NSMCE2: variants seen among roughly 807,000 people sequenced by gnomAD.
NSMCE2 encodes the protein E3 SUMO-protein ligase NSE2.
In NSMCE2, 24 loss-of-function variants were observed where a neutral mutation model predicts 23.8. The ratio of observed to expected loss-of-function variants is 1.01; its 90% CI spans 0.73 to 1.42. The LOEUF (loss-of-function observed/expected upper bound fraction) is 1.42. Among genes scored for constraint, NSMCE2 ranks in the 40% most tolerant of loss-of-function variants. The pLI is 0.00. For missense variants in NSMCE2, 284 were observed against 296.5 expected, an observed-to-expected ratio of 0.96 and a Z score of 0.31; for synonymous variants, 92 against 94.1, an observed-to-expected ratio of 0.98 and a Z score of 0.13.
intron 3 of NSMCE2, among the ~76,000 whole-genome samples, chr8:125,119,341 A>G (rs1819163800): frequency 6.6e-6 from 1 of 152,210 alleles, no homozygotes; most frequent in Non-Finnish European, 1.5e-5. Flanking sequence ...TCACATTAGG[A>G]TGTCACTTTG....
At chr8:125,192,725 G>A (rs1037722864) in intron 5 of NSMCE2, among the ~76,000 whole-genome samples, 2 of 152,092 alleles carry the variant, frequency 1.3e-5, no homozygotes, top group Admixed American at 6.5e-5. Context: ...AATGGAAATC[G>A]AAAGACCTAA....
intron 5 of NSMCE2, among the ~76,000 whole-genome samples, chr8:125,262,056 C>T (rs554805051): frequency 2.0e-5 from 3 of 151,784 alleles, no homozygotes; most frequent in Non-Finnish European, 2.9e-5. Flanking sequence ...GAGATTGCAC[C>T]GCTGCACTCC....
intron 5 of NSMCE2, among the ~76,000 whole-genome samples, chr8:125,230,449 C>T (rs1044121520): frequency 1.3e-5 from 2 of 152,098 alleles, no homozygotes; most frequent in African/African-American, 4.8e-5. Context: ...CTTCAGCCAC[C>T]AAAATCATTA....
In NSMCE2 at chr8:125,229,743, T is replaced by G. The variant is rs969859086; in HGVS notation, c.418+47487T>G. 2.6e-5 allele frequency among the ~76,000 whole-genome samples: 4 copies of G among 152,210 alleles called. 1 individual carries two copies. The highest frequency in any genetic ancestry group is 5.9e-5 in the Non-Finnish European group (4 of 68,018). On this transcript the variant is annotated intron_variant, in intron 5 of 7. Transcript: ENST00000287437. Reference sequence around the variant, plus strand: ...AAAAAGCCAGGAGTCTGTTTTATATTATTTTTAGCTACATATCTTTAGTTG... The same window carrying G: ...AAAAAGCCAGGAGTCTGTTTTATATGATTTTTAGCTACATATCTTTAGTTG...
intron 5 of NSMCE2, among the ~76,000 whole-genome samples, chr8:125,316,634 CTTTAT>C (rs35755944): frequency 0.016 from 898 of 54,910 alleles, 46 homozygotes; most frequent in Admixed American, 0.055. Flanking sequence ...TCTTTCCTTT[CTTTAT>C]TTCCTTCTTT....
intron 5 of NSMCE2, among the ~76,000 whole-genome samples, chr8:125,265,469 T>C (rs1826872909): frequency 6.6e-6 from 1 of 152,156 alleles, no homozygotes. Context: ...GATCCACCCA[T>C]GTCGGCCTCC....
intron 5 of NSMCE2, among the ~76,000 whole-genome samples, chr8:125,261,791 A>T (rs1176644222): frequency 1.3e-5 from 2 of 151,912 alleles, no homozygotes; most frequent in East Asian, 3.8e-4. Context: ...CTTTTGAAAA[A>T]CATTTTTAAA....
chr8:125,321,232 A>G (rs941724125), intron 5 of NSMCE2, among the ~76,000 whole-genome samples: 44 of 152,252 alleles, frequency 2.9e-4, no homozygotes, highest in African/African-American at 9.6e-4. Context: ...AGATCATCAT[A>G]AATGGTAACT....
At chr8:125,146,199 G>T (rs965926442) in intron 3 of NSMCE2, among the ~76,000 whole-genome samples, 5 of 152,114 alleles carry the variant, frequency 3.3e-5, no homozygotes, top group African/African-American at 1.2e-4. Context: ...CTGAAGGTTT[G>T]TTCCCTGGAT....
At chr8:125,156,176 G>A in intron 4 of NSMCE2, 1 of 214,100 alleles carries the variant, frequency 4.7e-6, no homozygotes, top group Non-Finnish European at 9.7e-6. Context: ...AGTAACTAAA[G>A]CTTGAGAGTC....
intron 5 of NSMCE2, among the ~76,000 whole-genome samples, chr8:125,208,550 G>T (rs145579379): frequency 1.3e-5 from 2 of 152,186 alleles, no homozygotes; most frequent in Non-Finnish European, 2.9e-5. Context: ...AGTGGAAATA[G>T]ATATTTAAAA....
intron 3 of NSMCE2, among the ~76,000 whole-genome samples, chr8:125,128,702 A>G (rs1455429599): frequency 6.6e-6 from 1 of 152,228 alleles, no homozygotes; most frequent in Non-Finnish European, 1.5e-5. Context: ...TCCAGCTTCT[A>G]GAGGCAGTGC....
At chr8:125,271,919 G>GT (rs1204535976) in intron 5 of NSMCE2, among the ~76,000 whole-genome samples, 2 of 151,846 alleles carry the variant, frequency 1.3e-5, no homozygotes, top group Non-Finnish European at 1.5e-5. Flanking sequence ...TTATTGCTCC[G>GT]TTTTTCAGGT....
In NSMCE2 at chr8:125,130,864, C is replaced by T. The variant is rs113931570; in HGVS notation, c.158-20307C>T. Among the ~76,000 whole-genome samples, 1,012 of 152,276 alleles carry T rather than the reference C, an allele frequency of 6.6e-3. 20 individuals carry two copies. The highest frequency in any genetic ancestry group is 0.023 in the African/African-American group (966 of 41,554). On this transcript the variant is annotated intron_variant, in intron 3 of 7. Coordinates refer to ENST00000287437, the MANE Select transcript of NSMCE2 (RefSeq NM_173685.4). ...CAACATTAAGAAACTGGACTCCCACCGTCCACTGTACATTTGCTTCTGTGT... is the reference window on the plus strand; with the variant it reads ...CAACATTAAGAAACTGGACTCCCACTGTCCACTGTACATTTGCTTCTGTGT...
chr8:125,350,490 A>T (rs1812987293), intron 5 of NSMCE2, among the ~76,000 whole-genome samples: 1 of 152,194 alleles, frequency 6.6e-6, no homozygotes, highest in Non-Finnish European at 1.5e-5. Flanking sequence ...GTTGCGTATT[A>T]ATCCATTTTC....
Position 125,313,229 on chromosome 8 carries a change from GAAGA to G in NSMCE2, c.419-43975_419-43972del, listed in dbSNP as rs58458829. ...AAGAAAGAAAGAAAAGAAAGAAAAA[GAAGA>G]AAGAAAGAAAGAAAAGAAAAGAAGG... On this transcript the variant is annotated intron_variant, in intron 5 of 7. Transcript: ENST00000287437. 5.8e-3 allele frequency among the ~76,000 whole-genome samples: 877 copies of G among 150,352 alleles called. 11 individuals carry two copies. Among genetic ancestry groups the G allele is most frequent in the African/African-American group, 0.013 (552 of 40,976 alleles).
intron 5 of NSMCE2, among the ~76,000 whole-genome samples, chr8:125,287,248 C>T (rs957243041): frequency 9.2e-5 from 14 of 152,330 alleles, no homozygotes; most frequent in African/African-American, 3.4e-4. Context: ...AGGAGGATCA[C>T]TTGAACCTGT....
chr8:125,142,155 T>C (rs1820406254), intron 3 of NSMCE2, among the ~76,000 whole-genome samples: 1 of 152,202 alleles, frequency 6.6e-6, no homozygotes, highest in Non-Finnish European at 1.5e-5. Flanking sequence ...ATAATGATAA[T>C]GACAAATATT....
chr8:125,138,702 C>A (rs530011245), intron 3 of NSMCE2, among the ~76,000 whole-genome samples: 9 of 152,106 alleles, frequency 5.9e-5, no homozygotes, highest in African/African-American at 1.9e-4. Flanking sequence ...CAGGTCAACT[C>A]GGTCAAAGGA....
Sources: allele counts gnomAD v4.1 joint callset (sites outside exome capture counted in the v4.1 genomes callset), GRCh38; gene constraint gnomAD v4.1.1; transcripts MANE v1.5; gene names NCBI Gene and HGNC (gene_info 2026-07-23, HGNC 2026-07-21).